The following SEMA6D variants were observed in gnomAD, a reference collection of about 807,000 sequenced individuals.
SEMA6D encodes the protein semaphorin 6D.
Under a neutral mutation model 106.6 loss-of-function variants are expected in SEMA6D, and 35 were observed. The ratio of observed to expected loss-of-function variants is 0.33; its 90% confidence interval spans 0.25 to 0.44. The LOEUF is 0.44. Ranked by LOEUF, SEMA6D falls within the 20% of genes least tolerant of loss-of-function variation. The pLI is 1.00. For synonymous variants in SEMA6D, 499 were observed against 487.7 expected (o/e 1.02, Z -0.31); for missense variants, 1,185 against 1,345.9 (o/e 0.88, Z 1.87).
intron 1 of SEMA6D, among the ~76,000 whole-genome samples, chr15:47,287,962 T>C (rs2035442558): frequency 6.6e-6 from 1 of 151,722 alleles, no homozygotes; most frequent in Non-Finnish European, 1.5e-5. Context: ...GGGGAGATGG[T>C]TTTTCACATG....
At chr15:47,550,206 T>C (rs1438776009) in intron 3 of SEMA6D, among the ~76,000 whole-genome samples, 1 of 152,176 alleles carries the variant, frequency 6.6e-6, no homozygotes, top group Non-Finnish European at 1.5e-5. Context: ...TACTTCCAAG[T>C]TTTGAAGTTT....
At chr15:47,391,259 C>T (rs1024320678) in intron 1 of SEMA6D, among the ~76,000 whole-genome samples, 10 of 152,208 alleles carry the variant, frequency 6.6e-5, no homozygotes, top group African/African-American at 2.2e-4. Flanking sequence ...TGGATACTGG[C>T]AGAGCTATGG....
intron 1 of SEMA6D, among the ~76,000 whole-genome samples, chr15:47,238,317 C>T (rs2032685459): frequency 6.6e-6 from 1 of 152,050 alleles, no homozygotes; most frequent in African/African-American, 2.4e-5. Context: ...ACTAAAAGCA[C>T]ACAGAGTTGC....
At chr15:47,371,028 C>A (rs2039254502) in intron 1 of SEMA6D, among the ~76,000 whole-genome samples, 1 of 152,168 alleles carries the variant, frequency 6.6e-6, no homozygotes, top group Admixed American at 6.5e-5. Flanking sequence ...AGATGCTGGG[C>A]ATGACCTTTT....
intron 3 of SEMA6D, among the ~76,000 whole-genome samples, chr15:47,583,845 G>C (rs963702322): frequency 6.6e-6 from 1 of 152,172 alleles, no homozygotes; most frequent in Non-Finnish European, 1.5e-5. Context: ...AGTAGCCAGA[G>C]GTCAAAGAGG....
intron 4 of SEMA6D, among the ~76,000 whole-genome samples, chr15:47,641,293 A>G (rs2077484925): frequency 6.6e-6 from 1 of 152,210 alleles, no homozygotes; most frequent in Non-Finnish European, 1.5e-5. Flanking sequence ...ACTGTTCAAG[A>G]TGCAGGGCTG....
At chr15:47,692,537 A>G (rs1478894729) in intron 4 of SEMA6D, among the ~76,000 whole-genome samples, 1 of 152,190 alleles carries the variant, frequency 6.6e-6, no homozygotes, top group Non-Finnish European at 1.5e-5. Flanking sequence ...AAGCTGTAAA[A>G]ACAAGGTTGT....
chr15:47,555,216 A>C (rs1233314080), intron 3 of SEMA6D, among the ~76,000 whole-genome samples: 8 of 152,024 alleles, frequency 5.3e-5, no homozygotes, highest in African/African-American at 1.9e-4. Flanking sequence ...GCCCAGATGT[A>C]CCCCTTTCAA....
chr15:47,604,624 CAG>C (rs574679915), intron 4 of SEMA6D, among the ~76,000 whole-genome samples: 9 of 152,136 alleles, frequency 5.9e-5, no homozygotes, highest in Non-Finnish European at 1.3e-4. Flanking sequence ...GTTTGAAATT[CAG>C]AGAGTAATTT....
At chr15:47,530,960 G>T (rs1184086952) in intron 3 of SEMA6D, among the ~76,000 whole-genome samples, 2 of 152,146 alleles carry the variant, frequency 1.3e-5, no homozygotes, top group Non-Finnish European at 2.9e-5. Context: ...TATCTGGCCA[G>T]AATAAGTATT....
rs187425272 is a variant in SEMA6D, at chr15:47,587,348, A to C, written c.-86-13517A>C. Among the ~76,000 whole-genome samples, 4 of 152,294 alleles carry C rather than the reference A, an allele frequency of 2.6e-5. No homozygotes were observed. The East Asian group carries it at 7.7e-4, about 29-fold the overall frequency. On this transcript the variant is annotated intron_variant, in intron 3 of 19. Coordinates refer to the SEMA6D transcript ENST00000558014. ...CTGGCTCCATCTTACATTTCTGCTG[A>C]CTGGAGGGTCCAAACTAGTCTCTGG... is the stretch of plus-strand genomic sequence containing the variant.
intron 1 of SEMA6D, among the ~76,000 whole-genome samples, chr15:47,247,426 A>G (rs2141867503): frequency 6.6e-6 from 1 of 152,166 alleles, no homozygotes; most frequent in African/African-American, 2.4e-5. Context: ...CTATATAGCA[A>G]AAGTGAAAAA....
intron 1 of SEMA6D, among the ~76,000 whole-genome samples, chr15:47,383,441 A>G (rs536286485): frequency 6.0e-4 from 91 of 152,294 alleles, no homozygotes; most frequent in African/African-American, 2.1e-3. Flanking sequence ...GCCCTGGCTC[A>G]TAGTTGATTT....
chr15:47,351,037 T>C (rs183757258), intron 1 of SEMA6D, among the ~76,000 whole-genome samples: 4 of 152,160 alleles, frequency 2.6e-5, no homozygotes, highest in Non-Finnish European at 5.9e-5. Flanking sequence ...AGCCTGACTC[T>C]TCATTAAATA....
chr15:47,256,971 A>G (rs990358067), intron 1 of SEMA6D, among the ~76,000 whole-genome samples: 2 of 152,164 alleles, frequency 1.3e-5, no homozygotes, highest in African/African-American at 2.4e-5. Context: ...TGTCTTTCCA[A>G]TCAATATGAT....
intron 3 of SEMA6D, among the ~76,000 whole-genome samples, chr15:47,583,675 G>A (rs1201353149): frequency 1.3e-5 from 2 of 152,164 alleles, no homozygotes. Flanking sequence ...TACCCCAGCT[G>A]TCAGTGATGG....
At chr15:47,264,940 G>C (rs1217055603) in intron 1 of SEMA6D, among the ~76,000 whole-genome samples, 2 of 152,000 alleles carry the variant, frequency 1.3e-5, no homozygotes, top group Admixed American at 1.3e-4. Flanking sequence ...AGTTAACACA[G>C]CTTTGAATTC....
At chr15:47,452,212 A>C (rs2042215083) in intron 2 of SEMA6D, among the ~76,000 whole-genome samples, 1 of 151,980 alleles carries the variant, frequency 6.6e-6, no homozygotes, top group South Asian at 2.1e-4. Flanking sequence ...AATAACGATG[A>C]GGCAAATCAA....
intron 2 of SEMA6D, among the ~76,000 whole-genome samples, chr15:47,470,292 T>G (rs1015760243): frequency 1.3e-5 from 2 of 152,164 alleles, no homozygotes; most frequent in African/African-American, 4.8e-5. Flanking sequence ...TTGGATTACT[T>G]ATTAAGTTTT....
Sources: allele counts gnomAD v4.1 joint callset (sites outside exome capture counted in the v4.1 genomes callset), GRCh38; gene constraint gnomAD v4.1.1; transcripts MANE v1.5; gene names NCBI Gene and HGNC (gene_info 2026-07-23, HGNC 2026-07-21).